MALRD1: variants seen among roughly 807,000 people sequenced by gnomAD.
MALRD1 encodes the protein MAM and LDL-receptor class A domain-containing protein 1.
Under a neutral mutation model 242.1 loss-of-function variants are expected in MALRD1, and 247 were observed. The observed-to-expected ratio is 1.02, with a 90% CI of 0.92 to 1.13. MALRD1 has a LOEUF of 1.13. Ranked by LOEUF, MALRD1 falls within the 50% of genes most tolerant of loss-of-function variation. The probability of loss-of-function intolerance (pLI) is 0.00; values close to 1 mark genes in which losing one functional copy is unlikely to be tolerated. For missense variants in MALRD1, 2,989 were observed against 2,533.1 expected (o/e 1.18, Z -3.86); for synonymous variants, 995 against 866.6 (o/e 1.15, Z -2.60).
At chr10:19,470,010 T>A (rs2131134318) in intron 29 of MALRD1, among the ~76,000 whole-genome samples, 1 of 152,126 alleles carries the variant, frequency 6.6e-6, no homozygotes, top group East Asian at 1.9e-4. Context: ...TTCAATATAG[T>A]GTTGTTATCT....
intron 19 of MALRD1, among the ~76,000 whole-genome samples, chr10:19,276,267 GT>G (rs1263299069): frequency 1.3e-5 from 2 of 150,396 alleles, no homozygotes; most frequent in African/African-American, 4.9e-5. Flanking sequence ...CAAATAAAAA[GT>G]TTACATGCAT....
intron 14 of MALRD1, among the ~76,000 whole-genome samples, chr10:19,200,645 GTTTTTTTTT>G (rs71387053): frequency 1.7e-4 from 12 of 69,446 alleles, no homozygotes; most frequent in Admixed American, 5.8e-4. Flanking sequence ...CCTGCTTGAG[GTTTTTTTTT>G]TTTTTTTTTT....
At chr10:19,051,921 CAAAA>C (rs1178410946) in intron 1 of MALRD1, 84 of 62,668 alleles carry the variant, frequency 1.3e-3, no homozygotes, top group South Asian at 3.2e-3. Flanking sequence ...GACTCCGTCT[CAAAA>C]AAAAAAAAAA....
intron 14 of MALRD1, among the ~76,000 whole-genome samples, chr10:19,202,529 A>T (rs552589455): frequency 1.3e-5 from 2 of 152,166 alleles, no homozygotes; most frequent in Non-Finnish European, 2.9e-5. Context: ...TTACATTAAA[A>T]TGCCCTTATA....
chr10:19,451,507 A>G (rs920470384), intron 29 of MALRD1, among the ~76,000 whole-genome samples: 4 of 152,198 alleles, frequency 2.6e-5, no homozygotes, highest in Non-Finnish European at 4.4e-5. Context: ...GAATTATTCC[A>G]TTTGGTTTCC....
intron 18 of MALRD1, among the ~76,000 whole-genome samples, chr10:19,210,887 G>T (rs1016834705): frequency 6.6e-6 from 1 of 152,106 alleles, no homozygotes; most frequent in Non-Finnish European, 1.5e-5. Context: ...GTGTGGCATC[G>T]TTTGGCTCCG....
chr10:19,265,903 T>C (rs1428786998), intron 19 of MALRD1, among the ~76,000 whole-genome samples: 1 of 151,954 alleles, frequency 6.6e-6, no homozygotes, highest in Non-Finnish European at 1.5e-5. Context: ...TCTCTCATAT[T>C]GAGTACATAT....
At position 19,607,836 on chromosome 10, in the gene MALRD1, G is replaced by A. The variant is rs1458499578; in HGVS notation, c.6004G>A (p.Ala2002Thr). The change falls in exon 35 of 40, where the codon GCC becomes ACC. Residue 2002 changes from alanine (A) to threonine (T), a missense_variant. Physicochemically the swap from Ala to Thr is moderately conservative, Grantham distance 58. Transcript: ENST00000454679. ...VCASSNSCIP[A>T]HQRCDGFADC... ...TGCCTCCTCCAACAGCTGTATCCCA[G>A]CCCACCAGCGCTGTGATGGTTTTGC... 1 of 1,549,522 alleles carries A rather than the reference G, an allele frequency of 6.5e-7. No homozygotes were observed. Among genetic ancestry groups the A allele is most frequent in the Non-Finnish European group, 8.7e-7 (1 of 1,146,516 alleles).
At chr10:19,115,683 C>A (rs187459190) in intron 5 of MALRD1, among the ~76,000 whole-genome samples, 1 of 152,014 alleles carries the variant, frequency 6.6e-6, no homozygotes, top group African/African-American at 2.4e-5. Context: ...CGAGACCAAC[C>A]TGGGCAACAT....
chr10:19,632,350 G>T (rs1376726989), intron 36 of MALRD1, among the ~76,000 whole-genome samples: 1 of 152,056 alleles, frequency 6.6e-6, no homozygotes, highest in East Asian at 1.9e-4. Context: ...CGTAGGCCAA[G>T]AACAGCAGGA....
chr10:19,346,556 G>A (rs575644473), intron 24 of MALRD1, among the ~76,000 whole-genome samples: 1 of 152,104 alleles, frequency 6.6e-6, no homozygotes, highest in Non-Finnish European at 1.5e-5. Flanking sequence ...TTTTATTTCA[G>A]TTGTAATATT....
intron 30 of MALRD1, 96 bp from the exon 31 acceptor site, chr10:19,498,389 A>G (rs1024801336): frequency 9.5e-7 from 1 of 1,049,138 alleles, no homozygotes; most frequent in Non-Finnish European, 1.4e-6. Flanking sequence ...AAGAATTAGA[A>G]TATGCAGATA....
At chr10:19,468,190 A>G (rs761146521) in intron 29 of MALRD1, among the ~76,000 whole-genome samples, 55 of 152,208 alleles carry the variant, frequency 3.6e-4, no homozygotes, top group Middle Eastern at 3.2e-3. Flanking sequence ...GTTAATTAGA[A>G]TTCCCTTAAT....
intron 31 of MALRD1, among the ~76,000 whole-genome samples, chr10:19,515,816 C>T (rs937672500): frequency 2.0e-5 from 3 of 152,120 alleles, no homozygotes; most frequent in African/African-American, 7.2e-5. Context: ...GATCTGCCTG[C>T]CTTGGCCTCC....
Position 19,123,572 on chromosome 10 carries a change from G to A in MALRD1, c.775G>A (p.Ala259Thr), listed in dbSNP as rs1837144979. 1 of 1,233,088 alleles carries A rather than the reference G, an allele frequency of 8.1e-7. No homozygotes were observed. The highest frequency in any genetic ancestry group is 1.6e-5 in the African/African-American group (1 of 64,456). 76.4% of individuals were successfully genotyped at this position (1,233,088 alleles called of 1,614,324 possible). ...AGATACAGATCTCTGCAGATTTGATGCTACAGATGAAGAGTTGAGATGTAA... is the reference window on the plus strand; with the variant it reads ...AGATACAGATCTCTGCAGATTTGATACTACAGATGAAGAGTTGAGATGTAA... Reference protein sequence around the residue: ...HPDTDLCRFDATDEELRLCQA... With the variant: ...HPDTDLCRFDTTDEELRLCQA... The change falls in exon 6 of 40, where the codon GCT becomes ACT. Residue 259 changes from alanine (A) to threonine (T), a missense_variant. Coordinates refer to ENST00000454679, the MANE Select transcript of MALRD1 (RefSeq NM_001142308.3).
At chr10:19,500,788 G>T (rs1368894609) in intron 31 of MALRD1, among the ~76,000 whole-genome samples, 1 of 152,116 alleles carries the variant, frequency 6.6e-6, no homozygotes, top group Admixed American at 6.6e-5. Context: ...ATAAATGAAT[G>T]CCTATTATGT....
rs184300413 is a variant in MALRD1, at chr10:19,680,763, A to G, written c.6138-11519A>G. Among the ~76,000 whole-genome samples, 409 of 152,166 alleles carry G rather than the reference A, an allele frequency of 2.7e-3. 1 individual carries two copies. The highest frequency in any genetic ancestry group is 3.0e-3 in the Non-Finnish European group (204 of 68,002). The stretch of plus-strand genomic sequence containing the variant: ...TCTTTGTACTTCAGTGTGTTTTTGT[A>G]GTGGCTGGTAACAGTTTTTCCTTTC... On this transcript the variant is annotated intron_variant, in intron 36 of 39. Coordinates refer to ENST00000454679, the MANE Select transcript of MALRD1 (RefSeq NM_001142308.3).
chr10:19,127,009 T>C (rs1837303578), intron 7 of MALRD1, among the ~76,000 whole-genome samples: 1 of 152,242 alleles, frequency 6.6e-6, no homozygotes, highest in African/African-American at 2.4e-5. Context: ...CATGTGGTAC[T>C]TGGCTTTCTG....
chr10:19,361,638 A>C (rs147977198), intron 26 of MALRD1, among the ~76,000 whole-genome samples: 2 of 152,170 alleles, frequency 1.3e-5, no homozygotes, highest in East Asian at 1.9e-4. Context: ...AATTTCCCAG[A>C]AGTCATCAAG....
Sources: gnomAD v4.1 joint callset for allele counts (sites outside exome capture counted in the v4.1 genomes callset) on GRCh38, gnomAD v4.1.1 for gene constraint, MANE v1.5 for transcripts, NCBI Gene and HGNC (gene_info 2026-07-23, HGNC 2026-07-21) for gene names.